The following WDR27 variants were observed in gnomAD, a reference collection of about 807,000 sequenced individuals.
WDR27 encodes WD repeat domain 27.
A neutral mutation model predicts 114.4 loss-of-function variants in WDR27; 100 were observed. That is an observed-to-expected ratio of 0.87 (90% confidence interval 0.74 to 1.03). The LOEUF is 1.03. WDR27 is among the 50% of genes least tolerant of loss of function. The pLI, the probability that WDR27 is intolerant of heterozygous loss-of-function variation, is 0.00. For synonymous variants in WDR27, 449 were observed against 423.1 expected, an observed-to-expected ratio of 1.06 and a Z score of -0.75; for missense variants, 1,129 against 1,092.9, an observed-to-expected ratio of 1.03 and a Z score of -0.47.
chr6:169,469,013 T>C (rs1785977648), intron 25 of WDR27, among the ~76,000 whole-genome samples: 1 of 152,154 alleles, frequency 6.6e-6, no homozygotes, highest in Admixed American at 6.5e-5. Flanking sequence ...TCTTATGACC[T>C]CATGTAACCC....
At chr6:169,699,722 C>G (rs1445764353) in intron 1 of WDR27, among the ~76,000 whole-genome samples, 1 of 152,158 alleles carries the variant, frequency 6.6e-6, no homozygotes, top group African/African-American at 2.4e-5. Context: ...TGGCTCACAT[C>G]TGCAATCCCA....
rs1437812294 is a variant in WDR27, at chr6:169,632,287, T to C, written c.2223+660A>G. On this transcript the variant is annotated intron_variant, in intron 21 of 25. Transcript: ENST00000448612. Reference sequence around the variant, plus strand: ...TGCAATACTTCACTTGGCAAAATGATACCCTGAATCATGATATAAATGCCA... The same window carrying C: ...TGCAATACTTCACTTGGCAAAATGACACCCTGAATCATGATATAAATGCCA... Among the ~76,000 whole-genome samples the C allele has an allele frequency of 4.6e-5, 7 of 151,832 alleles. 1 individual carries two copies. The highest frequency in any genetic ancestry group is 1.0e-4 in the Non-Finnish European group (7 of 67,992).
intron 23 of WDR27, among the ~76,000 whole-genome samples, chr6:169,586,841 C>G (rs1367101943): frequency 4.1e-5 from 1 of 24,504 alleles, no homozygotes; most frequent in Non-Finnish European, 1.6e-4. Flanking sequence ...CAGCTAGACT[C>G]TGTCTCAAAA....
chr6:169,623,814 C>T (rs1813953914), intron 21 of WDR27, among the ~76,000 whole-genome samples: 1 of 152,210 alleles, frequency 6.6e-6, no homozygotes, highest in Admixed American at 6.5e-5. Flanking sequence ...ATTGAAAACT[C>T]CTCCCAACGG....
chr6:169,699,897 G>A (rs749840758), intron 1 of WDR27, among the ~76,000 whole-genome samples: 1 of 152,116 alleles, frequency 6.6e-6, no homozygotes, highest in African/African-American at 2.4e-5. Flanking sequence ...TGGGAGGATC[G>A]TTTGAGCCAC....
chr6:169,691,027 A>G (rs1195820669), intron 1 of WDR27, among the ~76,000 whole-genome samples: 1 of 152,148 alleles, frequency 6.6e-6, no homozygotes, highest in Non-Finnish European at 1.5e-5. Flanking sequence ...CATCCTGGCT[A>G]ACACGGTGAA....
chr6:169,448,322 T>A, the WDR27 span, among the ~76,000 whole-genome samples: 2 of 152,022 alleles, frequency 1.3e-5, no homozygotes, highest in Non-Finnish European at 2.9e-5. Context: ...ACAGGGAGTA[T>A]GGTTGCTGTG....
At chr6:169,622,946 T>C (rs1562725309) in intron 21 of WDR27, among the ~76,000 whole-genome samples, 1 of 152,220 alleles carries the variant, frequency 6.6e-6, no homozygotes, top group Non-Finnish European at 1.5e-5. Context: ...AATCCCCTTC[T>C]TGCCTGGGGA....
chr6:169,550,542 C>T (rs938793620), intron 25 of WDR27, among the ~76,000 whole-genome samples: 2 of 151,880 alleles, frequency 1.3e-5, no homozygotes, highest in Non-Finnish European at 2.9e-5. Flanking sequence ...GCCTCAGCCA[C>T]CTGAGTAGCT....
chr6:169,656,686 GGC>G (rs1824298058), intron 13 of WDR27, among the ~76,000 whole-genome samples: 1 of 152,148 alleles, frequency 6.6e-6, no homozygotes, highest in Non-Finnish European at 1.5e-5. Context: ...CCCAGGAGGA[GGC>G]GACAGCTCCC....
chr6:169,690,711 G>T (rs892476718), intron 1 of WDR27, among the ~76,000 whole-genome samples: 1 of 152,154 alleles, frequency 6.6e-6, no homozygotes, highest in Non-Finnish European at 1.5e-5. Context: ...AGCACTGTAG[G>T]GTGCTACTCA....
In WDR27 at chr6:169,572,501, G is replaced by A. The variant is rs146778012; in HGVS notation, c.2563C>T (p.His855Tyr). ...RSVAHAGVQW[H>Y]DLGSLQPPPS... ...GGAGGTTGCAGTGAACCGAGATCGT[G>A]CCACTGCACTCCAGCGTGGGCGACA... Residue 855 changes from histidine (H) to tyrosine (Y), a missense_variant, in exon 25 of 26, where the codon CAC becomes TAC. Transcript: ENST00000448612. 0.1 allele frequency: 13,733 copies of A among 135,242 alleles called. 1,646 individuals carry two copies. The highest frequency in any genetic ancestry group is 0.59 in the East Asian group (2,812 of 4,740). 8.4% of individuals were successfully genotyped at this position (135,242 alleles called of 1,614,324 possible).
chr6:169,472,840 C>T (rs1343954197), intron 25 of WDR27, among the ~76,000 whole-genome samples: 1 of 152,024 alleles, frequency 6.6e-6, no homozygotes, highest in East Asian at 1.9e-4. Flanking sequence ...AATAAATTTA[C>T]CCTCATAGAC....
intron 24 of WDR27, among the ~76,000 whole-genome samples, chr6:169,579,726 A>G (rs2128137198): frequency 6.6e-6 from 1 of 152,286 alleles, no homozygotes; most frequent in Admixed American, 6.5e-5. Context: ...CTTATGTAGC[A>G]TATAATTAAG....
downstream of WDR27, among the ~76,000 whole-genome samples, chr6:169,456,854 C>T (rs545760517): frequency 2.6e-5 from 4 of 151,256 alleles, no homozygotes; most frequent in South Asian, 8.4e-4. This position sits in a 1 kb window ranked among gnomAD's most constrained non-coding sequence, Gnocchi z 4.0. Flanking sequence ...CCCATGCTCA[C>T]GACACAGAAC....
At chr6:169,664,334 G>A in intron 7 of WDR27, 48 bp from the exon 8 acceptor site, 2 of 1,611,568 alleles carry the variant, frequency 1.2e-6, no homozygotes, top group Non-Finnish European at 1.7e-6. Context: ...CAAGGGTCCT[G>A]ACGCAGAAGC....
chr6:169,496,607 A>C (rs1222186182), intron 25 of WDR27, among the ~76,000 whole-genome samples: 1 of 152,150 alleles, frequency 6.6e-6, no homozygotes, highest in East Asian at 1.9e-4. Flanking sequence ...AGGATAAAAA[A>C]TCAGCAGGCA....
chr6:169,665,527 C>A lies in WDR27; in HGVS notation c.742G>T (p.Ala248Ser), dbSNP rs759400486. ...CCGGTGACCAGCTGCCTGCTTTCTG[C>A]ATCAATGAATAAACTGAGAAGAGGA... is the stretch of plus-strand genomic sequence containing the variant. ...AYPLLSLFID[A>S]ESRQLVTGCA... The change falls in exon 7 of 26, where the codon GCA (alanine) becomes TCA (serine). Residue 248 changes from alanine (A) to serine (S), a missense_variant. Coordinates refer to ENST00000448612, the MANE Select transcript of WDR27 (RefSeq NM_182552.5). 79 of 1,613,758 alleles carry A rather than the reference C, an allele frequency of 4.9e-5. No individual in the cohort carries two copies. The East Asian group carries it at 1.7e-3, about 35-fold the overall frequency.
At chr6:169,605,306 T>C (rs1226448928) in intron 22 of WDR27, among the ~76,000 whole-genome samples, 1 of 151,744 alleles carries the variant, frequency 6.6e-6, no homozygotes, top group Non-Finnish European at 1.5e-5. Context: ...ATCAGTAGCA[T>C]TTCTATACAT....
Sources: allele counts gnomAD v4.1 joint callset (sites outside exome capture counted in the v4.1 genomes callset), GRCh38; gene constraint gnomAD v4.1.1; non-coding constraint Gnocchi (gnomAD v3.1); transcripts MANE v1.5; gene names NCBI Gene and HGNC (gene_info 2026-07-23, HGNC 2026-07-21).